Variants in LRP12 observed in about 807,000 individuals in gnomAD.
LRP12 encodes LDL receptor related protein 12.
In LRP12, 14 loss-of-function variants were observed where a neutral mutation model predicts 66.0. The ratio of observed to expected loss-of-function variants is 0.21; its 90% CI spans 0.14 to 0.33. The LOEUF is 0.33. Among genes scored for constraint, LRP12 ranks in the 10% least tolerant of loss-of-function variants. LRP12 has a pLI of 1.00. For missense variants in LRP12, 889 were observed against 1,053.4 expected (o/e 0.84, Z 2.16); for synonymous variants, 357 against 359.1 (o/e 0.99, Z 0.07).
intron 1 of LRP12, among the ~76,000 whole-genome samples, chr8:104,554,470 G>A (rs1446523742): frequency 6.6e-6 from 1 of 151,792 alleles, no homozygotes; most frequent in East Asian, 1.9e-4. Flanking sequence ...CACACTTAGA[G>A]AAATGGAAAA....
At chr8:104,560,755 G>C (rs975348854) in intron 1 of LRP12, among the ~76,000 whole-genome samples, 1 of 152,134 alleles carries the variant, frequency 6.6e-6, no homozygotes, top group Non-Finnish European at 1.5e-5. Flanking sequence ...GCAATAATCA[G>C]ATTTTCCTGG....
At chr8:104,524,809 G>C (rs560770216) in intron 2 of LRP12, among the ~76,000 whole-genome samples, 2 of 152,166 alleles carry the variant, frequency 1.3e-5, no homozygotes, top group East Asian at 3.9e-4. Context: ...CAAAAAACTT[G>C]ATTTAGAAGT....
chr8:104,545,934 T>C (rs1382692807), intron 1 of LRP12, among the ~76,000 whole-genome samples: 2 of 152,196 alleles, frequency 1.3e-5, no homozygotes, highest in Non-Finnish European at 2.9e-5. Context: ...TTATAACACT[T>C]CTGCAAAGTA....
Position 104,491,100 on chromosome 8 carries a change from C to A in LRP12, c.2153G>T (p.Ser718Ile), listed in dbSNP as rs1448929865. The change falls in exon 7 of 7, where the codon AGT (serine) becomes ATT (isoleucine). Residue 718 changes from serine to isoleucine, a missense_variant. This residue lies in a region of LRP12 where 800 missense variants were observed against 964.5 expected (regional missense o/e 0.83). Transcript: ENST00000276654. ...AAGCTGGTGACGTGCTGGACTCACA[C>A]TTGGGGGTTCCACACTTGTCACATC... is the stretch of plus-strand genomic sequence containing the variant. ...GRDVTSVEPPSVSPARHQLTS... is the reference protein window; with the variant it reads ...GRDVTSVEPPIVSPARHQLTS... The A allele has an allele frequency of 1.2e-6, 2 of 1,614,162 alleles. No individual in the cohort carries two copies. The highest frequency in any genetic ancestry group is 2.2e-5 in the East Asian group (1 of 44,880).
At chr8:104,526,478 A>C (rs1255924944) in intron 2 of LRP12, among the ~76,000 whole-genome samples, 2 of 151,030 alleles carry the variant, frequency 1.3e-5, no homozygotes, top group African/African-American at 4.9e-5. Context: ...TGGTACCAAA[A>C]CAGAGATATA....
chr8:104,522,802 C>T (rs1381352525), intron 2 of LRP12, among the ~76,000 whole-genome samples: 2 of 151,536 alleles, frequency 1.3e-5, no homozygotes, highest in Non-Finnish European at 2.9e-5. Flanking sequence ...TTATTCTTTG[C>T]GATGTTACAA....
chr8:104,565,234 A>G (rs1429980805), intron 1 of LRP12, among the ~76,000 whole-genome samples: 4 of 152,186 alleles, frequency 2.6e-5, no homozygotes, highest in African/African-American at 4.8e-5. Context: ...TATACACACA[A>G]TAAGTATTTT....
intron 1 of LRP12, among the ~76,000 whole-genome samples, chr8:104,588,191 G>C (rs1448222126): frequency 6.6e-6 from 1 of 152,212 alleles, no homozygotes; most frequent in Non-Finnish European, 1.5e-5. Context: ...AGGAGAGACT[G>C]AGGTGGGGCT....
intron 1 of LRP12, among the ~76,000 whole-genome samples, chr8:104,581,517 C>G (rs1812249354): frequency 6.6e-6 from 1 of 151,826 alleles, no homozygotes; most frequent in Non-Finnish European, 1.5e-5. Context: ...CACATGTACT[C>G]CTGAACTTAA....
intron 1 of LRP12, among the ~76,000 whole-genome samples, chr8:104,588,283 T>C (rs1216500374): frequency 6.6e-6 from 1 of 151,784 alleles, no homozygotes; most frequent in Non-Finnish European, 1.5e-5. Context: ...GGCAGAGCCC[T>C]TGCCCCCGAG....
intron 1 of LRP12, among the ~76,000 whole-genome samples, chr8:104,566,882 C>T (rs539624696): frequency 7.2e-5 from 11 of 151,898 alleles, no homozygotes; most frequent in Admixed American, 3.9e-4. Context: ...ATAGCACAAG[C>T]GGCTGGTGAT....
At chr8:104,583,656 T>G (rs1313121082) in intron 1 of LRP12, among the ~76,000 whole-genome samples, 4 of 152,160 alleles carry the variant, frequency 2.6e-5, no homozygotes, top group Non-Finnish European at 4.4e-5. Context: ...ATTTGCTAAA[T>G]GAACTAAGTG....
chr8:104,489,458 GAATA>G lies in LRP12; in HGVS notation c.*1211_*1214del, dbSNP rs1461567980. 6.6e-6 allele frequency: 1 copy of G among 152,208 alleles called. No homozygotes were observed. The highest frequency in any genetic ancestry group is 2.4e-5 in the African/African-American group (1 of 41,326). 9.4% of individuals were successfully genotyped at this position (152,208 alleles called of 1,614,324 possible). ...TAAACTACTAAAACAGACAGTTAAA[GAATA>G]AATAAACCGCAACTGACAGTAAAAA... On this transcript the variant is annotated 3_prime_UTR_variant, in exon 7 of 7. Coordinates refer to ENST00000276654, the MANE Select transcript of LRP12 (RefSeq NM_013437.5).
chr8:104,494,312 A>G (rs1433411264), intron 6 of LRP12, among the ~76,000 whole-genome samples: 1 of 152,250 alleles, frequency 6.6e-6, no homozygotes, highest in Non-Finnish European at 1.5e-5. Context: ...AATTCTCACC[A>G]AAGATTTCCT....
chr8:104,554,998 G>A (rs1412487165), intron 1 of LRP12, among the ~76,000 whole-genome samples: 2 of 152,112 alleles, frequency 1.3e-5, no homozygotes, highest in Non-Finnish European at 2.9e-5. Context: ...ACAACTATCA[G>A]CCAAGAATTC....
chr8:104,574,951 G>A (rs952508552), intron 1 of LRP12, among the ~76,000 whole-genome samples: 16 of 152,220 alleles, frequency 1.1e-4, no homozygotes, highest in Admixed American at 2.0e-4. Context: ...CCCAAAGGAG[G>A]CAGCAATGGG....
intron 1 of LRP12, among the ~76,000 whole-genome samples, chr8:104,565,281 CA>C (rs1295480455): frequency 6.6e-6 from 1 of 152,054 alleles, no homozygotes; most frequent in East Asian, 1.9e-4. Context: ...AATGGTCCGC[CA>C]AATAGCAAAC....
At chr8:104,526,223 G>C (rs1262146259) in intron 2 of LRP12, among the ~76,000 whole-genome samples, 2 of 151,818 alleles carry the variant, frequency 1.3e-5, no homozygotes, top group Non-Finnish European at 2.9e-5. Context: ...TCATGGGTAG[G>C]AAGAATCAAT....
chr8:104,502,828 G>A (rs1309138721), intron 3 of LRP12, among the ~76,000 whole-genome samples: 1 of 152,038 alleles, frequency 6.6e-6, no homozygotes, highest in Non-Finnish European at 1.5e-5. Context: ...TTTATGGGAG[G>A]TCTAGTCCCA....
Sources: gnomAD v4.1 joint callset for allele counts (sites outside exome capture counted in the v4.1 genomes callset) on GRCh38, gnomAD v4.1.1 for gene constraint, gnomAD v4.1.1 regional missense constraint, MANE v1.5 for transcripts, NCBI Gene and HGNC (gene_info 2026-07-23, HGNC 2026-07-21) for gene names.